Variants in KRAS observed in about 807,000 individuals in gnomAD.
The protein encoded by KRAS is GTPase KRas.
KRAS carries 1 observed loss-of-function variant against 21.0 expected under a neutral mutation model. The observed-to-expected ratio is 0.05, with a 90% CI of 0.02 to 0.23. KRAS has a LOEUF of 0.23. Among genes scored for constraint, KRAS ranks in the 10% least tolerant of loss-of-function variants. KRAS has a pLI of 1.00. For missense variants in KRAS, 107 were observed against 221.8 expected (o/e 0.48, Z 3.29); for synonymous variants, 67 against 72.5 (o/e 0.92, Z 0.39).
intron 4 of KRAS, among the ~76,000 whole-genome samples, chr12:25,218,577 T>G (rs1772352447): frequency 6.6e-6 from 1 of 152,198 alleles, no homozygotes; most frequent in African/African-American, 2.4e-5. Context: ...AACTTAGGTT[T>G]TAGAGTACCA....
intron 2 of KRAS, among the ~76,000 whole-genome samples, chr12:25,232,026 T>G (rs979665003): frequency 6.6e-6 from 1 of 152,078 alleles, no homozygotes; most frequent in Non-Finnish European, 1.5e-5. Context: ...AGTCCTACAG[T>G]TGGCCCAGGA....
Position 25,205,843 on chromosome 12 carries a change from TGTGA to T in KRAS, c.*3948_*3951del, listed in dbSNP as rs893147600. 23 of 215,648 alleles carry T rather than the reference TGTGA, an allele frequency of 1.1e-4. No individual in the cohort carries two copies. Among genetic ancestry groups the T allele is most frequent in the Admixed American group, 4.6e-4 (8 of 17,212 alleles). The allele number at this position is 215,648 out of a possible 1,614,324, so 13.4% of individuals were successfully genotyped here. On this transcript the variant is annotated 3_prime_UTR_variant, in exon 5 of 5. Transcript: ENST00000311936. ...GTTATGACTATTCTTCAAGAACTCA[TGTGA>T]GTATCTTTCTTTAGAAAGAAAGTTT... is the stretch of plus-strand genomic sequence containing the variant.
chr12:25,239,093 GTTA>G (rs1159181716), intron 2 of KRAS, among the ~76,000 whole-genome samples: 6 of 152,130 alleles, frequency 3.9e-5, no homozygotes, highest in African/African-American at 1.2e-4. Context: ...GTACAGAAAT[GTTA>G]TTTATTGTTT....
chr12:25,218,193 T>TA (rs1951276589), intron 4 of KRAS, among the ~76,000 whole-genome samples: 1 of 151,672 alleles, frequency 6.6e-6, no homozygotes, highest in African/African-American at 2.4e-5. Flanking sequence ...CATATTTTCA[T>TA]AAATTTTCTA....
Position 25,236,600 on chromosome 12 carries a change from T to C in KRAS, c.111+8674A>G, listed in dbSNP as rs61761103. 9.3e-3 allele frequency among the ~76,000 whole-genome samples: 1,409 copies of C among 151,984 alleles called. 22 individuals are homozygous for C. The highest frequency in any genetic ancestry group is 0.032 in the African/African-American group (1,321 of 41,396). ...GGTTTCTGCTTTCTGAACTAGACTT[T>C]TGACTTCTATAAATGTTAAAAATGG... On this transcript the variant is annotated intron_variant, in intron 2 of 4. Coordinates refer to ENST00000311936, the MANE Select transcript of KRAS (RefSeq NM_004985.5).
At chr12:25,235,277 C>T (rs1259677060) in intron 2 of KRAS, 4 of 507,964 alleles carry the variant, frequency 7.9e-6, no homozygotes, top group East Asian at 6.1e-5. Context: ...AAGTACTTTA[C>T]GTTACTCTTC....
In KRAS at chr12:25,250,919, C is replaced by T. The variant is rs886049201; in HGVS notation, c.-180G>A. On this transcript the variant is annotated 5_prime_UTR_variant, in exon 1 of 5. Transcript: ENST00000311936. ...GCCGCTGCTGCCTCCGCCGCCGCGGCCGCCGCCTAGGAAAATCGAGCTCCG... is the reference window on the plus strand; with the variant it reads ...GCCGCTGCTGCCTCCGCCGCCGCGGTCGCCGCCTAGGAAAATCGAGCTCCG... The T allele has an allele frequency of 1.7e-4, 42 of 251,314 alleles. No individual in the cohort carries two copies. Among genetic ancestry groups the T allele is most frequent in the Non-Finnish European group, 2.4e-4 (32 of 133,446 alleles). The allele number at this position is 251,314 out of a possible 1,614,324, so 15.6% of individuals were successfully genotyped here.
At chr12:25,238,859 A>C (rs1163517464) in intron 2 of KRAS, among the ~76,000 whole-genome samples, 1 of 152,244 alleles carries the variant, frequency 6.6e-6, no homozygotes, top group African/African-American at 2.4e-5. Flanking sequence ...ACACTGCAGT[A>C]AACATTCTTA....
At position 25,208,836 on chromosome 12, in the gene KRAS, A is replaced by G. The variant is rs1386087253; in HGVS notation, c.*959T>C. ...TCTCTTCAACACCTAATAAGCTATA[A>G]CTGGCCCAAATAATCTTTTAATGTC... On this transcript the variant is annotated 3_prime_UTR_variant, in exon 5 of 5. Transcript: ENST00000311936. 1 of 239,040 alleles carries G rather than the reference A, an allele frequency of 4.2e-6. No individual in the cohort carries two copies. Among genetic ancestry groups the G allele is most frequent in the Admixed American group, 5.5e-5 (1 of 18,108 alleles). 14.8% of individuals were successfully genotyped at this position (239,040 alleles called of 1,614,324 possible).
chr12:25,213,997 A>AT (rs1218127535), intron 4 of KRAS, among the ~76,000 whole-genome samples: 3 of 152,236 alleles, frequency 2.0e-5, no homozygotes, highest in African/African-American at 7.2e-5. Context: ...GTCAAGTAAT[A>AT]TAGGAATGAA....
At chr12:25,223,953 A>G (rs2141502287) in intron 4 of KRAS, among the ~76,000 whole-genome samples, 1 of 152,186 alleles carries the variant, frequency 6.6e-6, no homozygotes, top group Non-Finnish European at 1.5e-5. Context: ...GTACCACATA[A>G]TGACATTTTG....
At chr12:25,248,264 C>G (rs946834927) in intron 1 of KRAS, among the ~76,000 whole-genome samples, 4 of 151,964 alleles carry the variant, frequency 2.6e-5, no homozygotes, top group Non-Finnish European at 5.9e-5. Context: ...AGGTCGAGAC[C>G]AGCCTGGCCA....
intron 1 of KRAS, among the ~76,000 whole-genome samples, chr12:25,248,356 G>A (rs1466398335): frequency 7.1e-6 from 1 of 141,806 alleles, no homozygotes. Context: ...AAGCTGAGGC[G>A]GGAGAATCGC....
At chr12:25,250,025 C>A (rs762669058) in intron 1 of KRAS, among the ~76,000 whole-genome samples, 1 of 152,188 alleles carries the variant, frequency 6.6e-6, no homozygotes, top group Non-Finnish European at 1.5e-5. Context: ...TCTACCTCCA[C>A]CTCCTCCTTT....
chr12:25,208,243 CAG>C lies in KRAS; in HGVS notation c.*1550_*1551del, dbSNP rs933930464. 1.2e-4 allele frequency: 27 copies of C among 233,004 alleles called. No individual in the cohort carries two copies. Among genetic ancestry groups the C allele is most frequent in the African/African-American group, 5.5e-4 (25 of 45,270 alleles). 14.4% of individuals were successfully genotyped at this position (233,004 alleles called of 1,614,324 possible). On this transcript the variant is annotated 3_prime_UTR_variant, in exon 5 of 5. Coordinates refer to ENST00000311936, the MANE Select transcript of KRAS (RefSeq NM_004985.5). ...GGATAGTAAGTGATGTCCTCAAAAT[CAG>C]AGTCCTAAAAGACACCTATCTAGAA...
Position 25,208,424 on chromosome 12 carries a change from G to C in KRAS, c.*1371C>G, listed in dbSNP as rs750396780. ...ATTAAATATGGATCAGACTTGAAAA[G>C]TGTTTATGCAATGTTAATTTAACCA... On this transcript the variant is annotated 3_prime_UTR_variant, in exon 5 of 5. Coordinates refer to ENST00000311936, the MANE Select transcript of KRAS (RefSeq NM_004985.5). 8.6e-6 allele frequency: 2 copies of C among 232,704 alleles called. No homozygotes were observed. Among genetic ancestry groups the C allele is most frequent in the African/African-American group, 2.2e-5 (1 of 45,152 alleles). The allele number at this position is 232,704 out of a possible 1,614,324, so 14.4% of individuals were successfully genotyped here.
chr12:25,244,481 C>T (rs1951650878), intron 2 of KRAS, among the ~76,000 whole-genome samples: 1 of 152,112 alleles, frequency 6.6e-6, no homozygotes, highest in African/African-American at 2.4e-5. Flanking sequence ...TGGGGAATGT[C>T]CCCTCCTGGA....
intron 2 of KRAS, among the ~76,000 whole-genome samples, chr12:25,231,948 G>C (rs1482603528): frequency 6.6e-6 from 1 of 151,982 alleles, no homozygotes; most frequent in Non-Finnish European, 1.5e-5. Context: ...CCAACTTCAG[G>C]TCAGGCCATA....
At chr12:25,232,079 G>A (rs1951480590) in intron 2 of KRAS, among the ~76,000 whole-genome samples, 1 of 151,990 alleles carries the variant, frequency 6.6e-6, no homozygotes, top group African/African-American at 2.4e-5. Flanking sequence ...ATCTGCATTT[G>A]GTTGGGAAAA....
Sources: allele counts gnomAD v4.1 joint callset (sites outside exome capture counted in the v4.1 genomes callset), GRCh38; gene constraint gnomAD v4.1.1; transcripts MANE v1.5; gene names NCBI Gene and HGNC (gene_info 2026-07-23, HGNC 2026-07-21).